Variants in VAC14 observed in about 807,000 individuals in gnomAD.
The protein encoded by VAC14 is VAC14 component of PIKFYVE complex.
VAC14 carries 47 observed loss-of-function variants against 85.3 expected under a neutral mutation model. The observed-to-expected ratio is 0.55, with a 90% CI of 0.44 to 0.70. VAC14 has a LOEUF of 0.70. VAC14 is among the 30% of genes least tolerant of loss of function. The probability of loss-of-function intolerance (pLI) is 0.00; values close to 1 mark genes in which losing one functional copy is unlikely to be tolerated. For synonymous variants in VAC14, 447 were observed against 430.5 expected, an observed-to-expected ratio of 1.04 and a Z score of -0.47; for missense variants, 861 against 1,004.3, an observed-to-expected ratio of 0.86 and a Z score of 1.93.
intron 14 of VAC14, among the ~76,000 whole-genome samples, chr16:70,701,767 C>T (rs1435202648): frequency 1.3e-5 from 2 of 152,238 alleles, no homozygotes. Flanking sequence ...TAGGGTCTCA[C>T]ACCTCTCGCT....
chr16:70,785,114 C>T (rs1294852330), intron 3 of VAC14, among the ~76,000 whole-genome samples: 2 of 152,244 alleles, frequency 1.3e-5, no homozygotes, highest in East Asian at 1.9e-4. Context: ...GACTGGGTCA[C>T]GGGGTTGCTT....
At chr16:70,688,186 G>A (rs1181007477) in intron 18 of VAC14, 96 bp from the exon 19 acceptor site, 26 of 1,364,894 alleles carry the variant, frequency 1.9e-5, no homozygotes, top group Non-Finnish European at 4.8e-6. Context: ...GCCACAGGCT[G>A]GTGGGCTCGG....
chr16:70,759,871 G>A (rs1268307057), intron 12 of VAC14, among the ~76,000 whole-genome samples: 1 of 152,178 alleles, frequency 6.6e-6, no homozygotes, highest in Non-Finnish European at 1.5e-5. Context: ...CCAGGCTTTA[G>A]TGCCAAACAG....
At chr16:70,688,235 C>T in intron 18 of VAC14, 145 bp from the exon 19 acceptor site, 1 of 1,285,662 alleles carries the variant, frequency 7.8e-7, no homozygotes, top group South Asian at 2.9e-5. Flanking sequence ...ACTCTTCCGT[C>T]ATGGCGGGCC....
At chr16:70,766,022 A>T (rs1310957001) in intron 10 of VAC14, among the ~76,000 whole-genome samples, 2 of 151,922 alleles carry the variant, frequency 1.3e-5, no homozygotes, top group Non-Finnish European at 2.9e-5. Context: ...GGTCCCAGCC[A>T]CTCGGGAGGC....
intron 10 of VAC14, chr16:70,770,194 A>G (rs1402197975): frequency 6.6e-6 from 1 of 152,230 alleles, no homozygotes; most frequent in African/African-American, 2.4e-5. Flanking sequence ...CCAAATTTCT[A>G]GAAGGCAGTC....
At chr16:70,725,467 A>G (rs2054400954) in intron 14 of VAC14, among the ~76,000 whole-genome samples, 1 of 152,202 alleles carries the variant, frequency 6.6e-6, no homozygotes, top group Non-Finnish European at 1.5e-5. Context: ...CCACAATTAA[A>G]AACAAGTCCA....
chr16:70,689,318 T>A (rs1480276412), intron 18 of VAC14: 1 of 985,262 alleles, frequency 1.0e-6, no homozygotes, highest in African/African-American at 1.7e-5. Flanking sequence ...GTTCTGCCCC[T>A]CCAACGTGAG....
chr16:70,714,069 C>A (rs1224459730), intron 14 of VAC14: 1 of 152,248 alleles, frequency 6.6e-6, no homozygotes, highest in African/African-American at 2.4e-5. Context: ...TGCTCCAGCG[C>A]CCCTCTCCTG....
At chr16:70,724,182 T>G (rs2054363674) in intron 14 of VAC14, among the ~76,000 whole-genome samples, 1 of 152,126 alleles carries the variant, frequency 6.6e-6, no homozygotes, top group Non-Finnish European at 1.5e-5. Context: ...CAGACCTAAT[T>G]CATCCCAGCC....
intron 12 of VAC14, among the ~76,000 whole-genome samples, chr16:70,761,550 AG>A (rs2143059502): frequency 6.6e-6 from 1 of 152,330 alleles, no homozygotes; most frequent in South Asian, 2.1e-4. Context: ...AACCCGGTAA[AG>A]GAACACCACG....
At chr16:70,745,596 C>G (rs972929374) in intron 12 of VAC14, among the ~76,000 whole-genome samples, 2 of 152,168 alleles carry the variant, frequency 1.3e-5, no homozygotes, top group African/African-American at 2.4e-5. Flanking sequence ...CTTCTGCTGG[C>G]TGTGTTTATC....
rs991696795 is a variant in VAC14, at chr16:70,695,552, A to T, written c.2027T>A (p.Ile676Asn). 1 of 1,613,868 alleles carries T rather than the reference A, an allele frequency of 6.2e-7. No individual in the cohort carries two copies. Among genetic ancestry groups the T allele is most frequent in the East Asian group, 2.2e-5 (1 of 44,880 alleles). ...TGGGAGGTGGTTCTTACATGTGAAG[A>T]TGGGGCACTCAATCAGCTGCACCAG... ...DKLVQLIECP[I>N]FTYLRLQLLD... The change falls in exon 17 of 19, where the codon ATC (isoleucine) becomes AAC (asparagine). Residue 676 changes from isoleucine (I) to asparagine (N), a missense_variant. By Grantham distance (149) the Ile-to-Asn change is moderately radical (BLOSUM62 -3). Coordinates refer to ENST00000261776, the MANE Select transcript of VAC14 (RefSeq NM_018052.5).
At chr16:70,723,914 T>G (rs1232048529) in intron 14 of VAC14, among the ~76,000 whole-genome samples, 1 of 152,236 alleles carries the variant, frequency 6.6e-6, no homozygotes, top group African/African-American at 2.4e-5. Context: ...CAGGGGCTCC[T>G]GGAAGTGGGG....
At chr16:70,693,003 C>T in intron 17 of VAC14, 32 bp from the exon 18 acceptor site, 2 of 1,597,594 alleles carry the variant, frequency 1.3e-6, no homozygotes, top group Non-Finnish European at 1.7e-6. Flanking sequence ...GGTCAGGGAC[C>T]TGGCACTGCT....
rs76408755 is a variant in VAC14, at chr16:70,786,484, G to A, written c.105-119C>T. ...TTTGGAAAGAGGAAATGGGAGACAG[G>A]CGTCTCAGGGCAGGTCTCAGTTCTG... On this transcript the variant is annotated intron_variant, in intron 1 of 18. Transcript: ENST00000261776. 930 of 1,342,876 alleles carry A rather than the reference G, an allele frequency of 6.9e-4. 6 individuals carry two copies. In the African/African-American group the frequency reaches 0.012, roughly 17 times the overall value. 83.2% of individuals were successfully genotyped at this position (1,342,876 alleles called of 1,614,324 possible).
chr16:70,784,664 A>T (rs28374471), intron 4 of VAC14, 112 bp downstream of exon 4: 1 of 1,086,046 alleles, frequency 9.2e-7, no homozygotes, highest in Non-Finnish European at 1.4e-6. Context: ...ATGTAAATTT[A>T]AAATATATTT....
rs1185658546 is a variant in VAC14 at position 70,789,387 on chromosome 16, G to A, written c.105-3022C>T. ...TCTGCAGCCTGAGTGTTCCATTCTT[G>A]CAACTGTGCTGATGTGGCAGCATCA... On this transcript the variant is annotated intron_variant, in intron 1 of 18. Transcript: ENST00000261776. Among the ~76,000 whole-genome samples, 3 of 152,172 alleles carry A rather than the reference G, an allele frequency of 2.0e-5. No homozygotes were observed. In the East Asian group the frequency reaches 5.8e-4, roughly 29 times the overall value.
At chr16:70,709,695 C>T (rs1048035686) in intron 14 of VAC14, among the ~76,000 whole-genome samples, 5 of 152,230 alleles carry the variant, frequency 3.3e-5, no homozygotes, top group African/African-American at 7.2e-5. Flanking sequence ...AGCAGGTTCC[C>T]GGAAACCAGT....
Sources: allele counts gnomAD v4.1 joint callset (sites outside exome capture counted in the v4.1 genomes callset), GRCh38; gene constraint gnomAD v4.1.1; transcripts MANE v1.5; gene names NCBI Gene and HGNC (gene_info 2026-07-23, HGNC 2026-07-21).